The following GRIN2D variants were observed in gnomAD, a reference collection of about 807,000 sequenced individuals.
GRIN2D encodes glutamate receptor ionotropic, NMDA 2D.
GRIN2D carries 37 observed loss-of-function variants against 103.2 expected under a neutral mutation model. The observed-to-expected ratio is 0.36, with a 90% confidence interval of 0.28 to 0.47. The LOEUF is 0.47. Among genes scored for constraint, GRIN2D ranks in the 20% least tolerant of loss-of-function variants. The pLI, the probability that GRIN2D is intolerant of heterozygous loss-of-function variation, is 1.00. For missense variants in GRIN2D, 1,557 were observed against 1,910.6 expected, an observed-to-expected ratio of 0.81 and a Z score of 3.45; for synonymous variants, 845 against 885.6, an observed-to-expected ratio of 0.95 and a Z score of 0.81.
In GRIN2D at chr19:48,404,748, C is replaced by T. The variant is rs267605563; in HGVS notation, c.480C>T (p.Thr160=). The T allele has an allele frequency of 6.2e-7, 1 of 1,604,100 alleles. No individual in the cohort carries two copies. The highest frequency in any genetic ancestry group is 1.1e-5 in the South Asian group (1 of 89,856). Residue 160 remains threonine, a synonymous_variant, in exon 4 of 14, where the codon ACC becomes ACT. Transcript: ENST00000263269. ...CTCCCTGGCAGGAGAAGGGCTCCAC[C>T]TTCCTGCAGCTGGGCTCTTCCACCG... ...LVLTPKEKGS[T]FLQLGSSTEQ... is the part of the protein sequence containing the mutation.
At chr19:48,397,921 A>C (rs1970662102) in intron 2 of GRIN2D, among the ~76,000 whole-genome samples, 4 of 131,718 alleles carry the variant, frequency 3.0e-5, no homozygotes, top group South Asian at 2.5e-4. Context: ...CCAATCCCAT[A>C]CTCCACTTCT....
chr19:48,406,024 A>G (rs1233295238), intron 4 of GRIN2D, among the ~76,000 whole-genome samples: 2 of 152,154 alleles, frequency 1.3e-5, no homozygotes, highest in African/African-American at 4.8e-5. Flanking sequence ...TACTGTTGAG[A>G]ACGTAGTCAT....
At chr19:48,402,802 G>A (rs866070790) in intron 3 of GRIN2D, among the ~76,000 whole-genome samples, 1 of 143,346 alleles carries the variant, frequency 7.0e-6, no homozygotes, top group African/African-American at 2.7e-5. Flanking sequence ...GAGAGAGAGA[G>A]AGAATAGGGA....
At chr19:48,415,977 C>T in intron 7 of GRIN2D, 25 bp from the exon 8 acceptor site, 1 of 1,604,476 alleles carries the variant, frequency 6.2e-7, no homozygotes, top group Non-Finnish European at 8.5e-7. Flanking sequence ...GTTCCCCCGC[C>T]CACTCCTCAT....
chr19:48,410,464 G>C (rs143790810), intron 4 of GRIN2D, among the ~76,000 whole-genome samples: 1,756 of 142,290 alleles, frequency 0.012, 30 homozygotes, highest in African/African-American at 0.044. Flanking sequence ...GGAGACGGAG[G>C]TTGCAGTGAG....
chr19:48,402,765 CGAGAGA>C (rs35263933), intron 3 of GRIN2D, among the ~76,000 whole-genome samples: 5,510 of 108,950 alleles, frequency 0.051, 241 homozygotes, highest in East Asian at 0.26. Flanking sequence ...TACTCCTTTA[CGAGAGA>C]GAGAGAGAGA....
In GRIN2D at chr19:48,405,102, G is replaced by T; in HGVS notation, c.834G>T (p.Gln278His). Residue 278 changes from glutamine to histidine, a missense_variant, in exon 4 of 14, where the codon CAG (glutamine) becomes CAT (histidine). Gln to His is a conservative substitution (Grantham distance 24). This residue lies in a region of GRIN2D where 490 missense variants were observed against 601.1 expected (regional missense o/e 0.82). Coordinates refer to ENST00000263269, the MANE Select transcript of GRIN2D (RefSeq NM_000836.4). The surrounding 1 kb of genome is among the most constrained non-coding windows in gnomAD (Gnocchi z 5.1). ...ACGTCTGGTTCATGGTGGGGCCCCA[G>T]CTGGCTGGAGGCGGGGGCTCTGGGG... ...SGYVWFMVGP[Q>H]LAGGGGSGAP... 1 of 1,594,442 alleles carries T rather than the reference G, an allele frequency of 6.3e-7. No individual in the cohort carries two copies.
chr19:48,397,672 T>G (rs987256021), intron 2 of GRIN2D, among the ~76,000 whole-genome samples: 1 of 151,468 alleles, frequency 6.6e-6, no homozygotes, highest in Non-Finnish European at 1.5e-5. Context: ...CCTCCCTCAT[T>G]CCTGTTTCTG....
chr19:48,431,686 G>A (rs1971157594), intron 11 of GRIN2D, among the ~76,000 whole-genome samples: 1 of 150,972 alleles, frequency 6.6e-6, no homozygotes, highest in African/African-American at 2.4e-5. Flanking sequence ...CCAGGTACAA[G>A]CAATTCTCCT....
At chr19:48,422,656 A>G in intron 11 of GRIN2D, among the ~76,000 whole-genome samples, 1 of 151,868 alleles carries the variant, frequency 6.6e-6, no homozygotes, top group South Asian at 2.1e-4. Flanking sequence ...CAGAACATTT[A>G]TTTATTTATT....
chr19:48,416,729 TTC>T (rs375692824), intron 8 of GRIN2D, among the ~76,000 whole-genome samples: 13 of 126,934 alleles, frequency 1.0e-4, no homozygotes, highest in African/African-American at 3.8e-4. Context: ...AAGCTTCTAC[TTC>T]TCTCTCTCTC....
intron 11 of GRIN2D, among the ~76,000 whole-genome samples, chr19:48,427,265 G>A (rs1328398224): frequency 1.3e-5 from 2 of 151,906 alleles, no homozygotes; most frequent in African/African-American, 4.8e-5. Context: ...AGGTTGCAGT[G>A]AGCCAAGACC....
chr19:48,398,972 G>T (rs1380143826), intron 3 of GRIN2D, 115 bp downstream of exon 3: 5 of 1,005,554 alleles, frequency 5.0e-6, no homozygotes, highest in Non-Finnish European at 6.6e-6. Context: ...CTGTCCTGTG[G>T]GTCCGAGTCT....
intron 11 of GRIN2D, among the ~76,000 whole-genome samples, chr19:48,423,078 G>A (rs1971042462): frequency 6.6e-6 from 1 of 152,138 alleles, no homozygotes; most frequent in African/African-American, 2.4e-5. Flanking sequence ...GGGCGTGGTG[G>A]CGGGCGCCTG....
At chr19:48,429,679 A>G (rs570839942) in intron 11 of GRIN2D, among the ~76,000 whole-genome samples, 25 of 151,918 alleles carry the variant, frequency 1.6e-4, no homozygotes, top group African/African-American at 5.3e-4. Flanking sequence ...GATTACAGGC[A>G]TGAGCCACCG....
chr19:48,415,176 G>A, intron 7 of GRIN2D, 144 bp downstream of exon 7: 1 of 729,916 alleles, frequency 1.4e-6, no homozygotes, highest in South Asian at 1.9e-5. Context: ...TTCGAGACCA[G>A]TTTGGGCAAA....
Position 48,398,679 on chromosome 19 carries a change from C to A in GRIN2D, c.287C>A (p.Pro96Gln). The change falls in exon 3 of 14, where the codon CCG becomes CAG. Residue 96 changes from proline (P) to glutamine (Q), a missense_variant. Physicochemically the swap from Pro to Gln is moderately conservative, Grantham distance 76. This residue lies in a region of GRIN2D where 490 missense variants were observed against 601.1 expected (regional missense o/e 0.82). Transcript: ENST00000263269. ...GCGCTGGTGCTCAACGGCTCGGACCCGCGCAGCCTCGTGCTGCAGCTCTGC... is the reference window on the plus strand; with the variant it reads ...GCGCTGGTGCTCAACGGCTCGGACCAGCGCAGCCTCGTGCTGCAGCTCTGC... ...PVALVLNGSD[P>Q]RSLVLQLCDL... The A allele has an allele frequency of 6.9e-7, 1 of 1,457,824 alleles. No homozygotes were observed. The highest frequency in any genetic ancestry group is 9.0e-7 in the Non-Finnish European group (1 of 1,108,902). 90.3% of individuals were successfully genotyped at this position (1,457,824 alleles called of 1,614,324 possible). A position where few individuals can be genotyped will look rare whatever the true frequency, so the allele number is the denominator to read the frequency against.
chr19:48,395,735 G>A (rs929368293), intron 2 of GRIN2D, among the ~76,000 whole-genome samples: 9 of 152,030 alleles, frequency 5.9e-5, no homozygotes, highest in East Asian at 1.9e-4. Flanking sequence ...GCCAGAGCTC[G>A]GTGGGGGGGC....
At position 48,442,308 on chromosome 19, in the gene GRIN2D, C is replaced by A; in HGVS notation, c.2599C>A (p.His867Asn). 1 of 1,614,020 alleles carries A rather than the reference C, an allele frequency of 6.2e-7. No individual in the cohort carries two copies. The highest frequency in any genetic ancestry group is 8.5e-7 in the Non-Finnish European group (1 of 1,180,008). ...GTCCCTGCTGGTCTTCGCCTGGGAG[C>A]ACCTGGTGTACTGGCGCCTGCGGCA... is the stretch of plus-strand genomic sequence containing the variant. ...GLSLLVFAWE[H>N]LVYWRLRHCL... The change falls in exon 13 of 14, where the codon CAC (histidine) becomes AAC (asparagine). Residue 867 changes from histidine (H) to asparagine (N), a missense_variant. Physicochemically the swap from His to Asn is moderately conservative, Grantham distance 68 (BLOSUM62 1). Coordinates refer to ENST00000263269, the MANE Select transcript of GRIN2D (RefSeq NM_000836.4). The surrounding 1 kb of genome is among the most constrained non-coding windows in gnomAD (Gnocchi z 7.2).
Sources: allele counts gnomAD v4.1 joint callset (sites outside exome capture counted in the v4.1 genomes callset), GRCh38; gene constraint gnomAD v4.1.1; regional missense constraint gnomAD v4.1.1; non-coding constraint Gnocchi (gnomAD v3.1); transcripts MANE v1.5; gene names NCBI Gene and HGNC (gene_info 2026-07-23, HGNC 2026-07-21).